The following RGL1 variants were observed in gnomAD, a reference collection of about 807,000 sequenced individuals.
RGL1 encodes the protein ral guanine nucleotide dissociation stimulator like 1, also known as ral guanine nucleotide dissociation stimulator-like 1.
A neutral mutation model predicts 95.2 loss-of-function variants in RGL1; 24 were observed. The ratio of observed to expected loss-of-function variants is 0.25; its 90% CI spans 0.18 to 0.35. The LOEUF (loss-of-function observed/expected upper bound fraction) is 0.35. Among genes scored for constraint, RGL1 ranks in the 10% least tolerant of loss-of-function variants. The pLI is 1.00. For synonymous variants in RGL1, 329 were observed against 344.9 expected, an observed-to-expected ratio of 0.95 and a Z score of 0.51; for missense variants, 715 against 936.3, an observed-to-expected ratio of 0.76 and a Z score of 3.08.
At chr1:183,671,310 C>T (rs1429664478) in intron 1 of RGL1, among the ~76,000 whole-genome samples, 1 of 152,226 alleles carries the variant, frequency 6.6e-6, no homozygotes, top group Non-Finnish European at 1.5e-5. Flanking sequence ...ATGTTTAAGT[C>T]TTTGTGTGAA....
intron 4 of RGL1, among the ~76,000 whole-genome samples, chr1:183,877,428 C>T (rs182036736): frequency 6.6e-5 from 10 of 152,272 alleles, no homozygotes; most frequent in East Asian, 3.9e-4. Context: ...TTAAAAGTTT[C>T]GCATTTGTAT....
Position 183,926,998 on chromosome 1 carries a change from G to A in RGL1, c.*706G>A, listed in dbSNP as rs767018746. On this transcript the variant is annotated 3_prime_UTR_variant, in exon 18 of 18. Coordinates refer to ENST00000360851, the MANE Select transcript of RGL1 (RefSeq NM_001297671.3). ...AGCTTCGGAGGACCATCGCCCCACT[G>A]GTCTAGCCATCATGACACCTCTGGA... The A allele has an allele frequency of 6.6e-6, 1 of 152,562 alleles. No homozygotes were observed. Among genetic ancestry groups the A allele is most frequent in the Non-Finnish European group, 1.5e-5 (1 of 68,044 alleles). 9.5% of individuals were successfully genotyped at this position (152,562 alleles called of 1,614,324 possible).
intron 2 of RGL1, among the ~76,000 whole-genome samples, chr1:183,743,930 A>G (rs908762433): frequency 9.2e-5 from 14 of 152,200 alleles, no homozygotes; most frequent in Non-Finnish European, 1.3e-4. Flanking sequence ...AGAAGTTTGG[A>G]GGACTAGGCT....
chr1:183,778,372 C>T (rs1271258715), intron 2 of RGL1, among the ~76,000 whole-genome samples: 1 of 152,084 alleles, frequency 6.6e-6, no homozygotes, highest in Non-Finnish European at 1.5e-5. Context: ...GGGAGGATAT[C>T]AAACATAAAC....
At chr1:183,771,231 C>T (rs1388375288) in intron 2 of RGL1, among the ~76,000 whole-genome samples, 2 of 151,596 alleles carry the variant, frequency 1.3e-5, no homozygotes, top group African/African-American at 2.4e-5. Context: ...TTCACTATAC[C>T]AGACATGAAC....
chr1:183,901,657 C>G (rs1201740998), intron 11 of RGL1, among the ~76,000 whole-genome samples: 6 of 150,206 alleles, frequency 4.0e-5, no homozygotes, highest in African/African-American at 1.2e-4. Flanking sequence ...CTCTCTCTGT[C>G]TCTCTCTCTC....
chr1:183,839,234 C>A (rs921728956), intron 2 of RGL1, among the ~76,000 whole-genome samples: 1 of 152,116 alleles, frequency 6.6e-6, no homozygotes, highest in Non-Finnish European at 1.5e-5. Context: ...CCATCTTAGA[C>A]CCTTCTCCCA....
intron 3 of RGL1, among the ~76,000 whole-genome samples, chr1:183,851,241 C>T (rs1664807899): frequency 6.6e-6 from 1 of 152,120 alleles, no homozygotes; most frequent in African/African-American, 2.4e-5. Context: ...TAAACAGATC[C>T]TTTGCTTGCT....
At chr1:183,698,121 G>A (rs1023926258) in intron 1 of RGL1, among the ~76,000 whole-genome samples, 5 of 152,112 alleles carry the variant, frequency 3.3e-5, no homozygotes, top group Admixed American at 6.6e-5. Flanking sequence ...TCAACTCCAC[G>A]TTTATGTTTT....
At chr1:183,888,679 T>C in intron 8 of RGL1, 102 bp downstream of exon 8, 1 of 728,584 alleles carries the variant, frequency 1.4e-6, no homozygotes, top group East Asian at 2.5e-5. Context: ...TAGAGAAACA[T>C]ATTTGAAATC....
At chr1:183,815,119 C>A (rs1405442445) in intron 2 of RGL1, among the ~76,000 whole-genome samples, 2 of 152,036 alleles carry the variant, frequency 1.3e-5, no homozygotes, top group African/African-American at 4.8e-5. Context: ...ACTAAACATA[C>A]AAAAGTTAGC....
intron 2 of RGL1, among the ~76,000 whole-genome samples, chr1:183,812,916 G>C (rs1165567674): frequency 6.6e-6 from 1 of 152,184 alleles, no homozygotes; most frequent in Admixed American, 6.5e-5. Context: ...AAAGGCATGA[G>C]TCATGTCACC....
intron 4 of RGL1, among the ~76,000 whole-genome samples, chr1:183,874,510 G>GT (rs560637064): frequency 0.022 from 3,210 of 146,624 alleles, 74 homozygotes; most frequent in Admixed American, 0.06. Flanking sequence ...TGCCGTGGAG[G>GT]TTTTTTTTTT....
chr1:183,897,452 G>A (rs1375345205), intron 9 of RGL1, among the ~76,000 whole-genome samples: 1 of 152,174 alleles, frequency 6.6e-6, no homozygotes, highest in Non-Finnish European at 1.5e-5. Flanking sequence ...GGGAGGCTGA[G>A]GCAGGAGAAT....
chr1:183,828,295 C>G (rs765580922), intron 2 of RGL1, among the ~76,000 whole-genome samples: 7 of 152,176 alleles, frequency 4.6e-5, no homozygotes, highest in Non-Finnish European at 1.0e-4. Context: ...TAACATGGAA[C>G]AGCCATGACT....
intron 2 of RGL1, among the ~76,000 whole-genome samples, chr1:183,796,234 G>A (rs1288000761): frequency 2.0e-5 from 3 of 148,258 alleles, no homozygotes; most frequent in African/African-American, 2.5e-5. Context: ...GCGCGATCTC[G>A]GCTCACTGCA....
intron 14 of RGL1, among the ~76,000 whole-genome samples, chr1:183,907,829 A>G (rs904118638): frequency 1.3e-5 from 2 of 151,966 alleles, no homozygotes; most frequent in South Asian, 2.1e-4. Flanking sequence ...GTCTCTACAA[A>G]AAAATATCAC....
intron 3 of RGL1, among the ~76,000 whole-genome samples, chr1:183,850,252 ACT>A (rs1357799581): frequency 5.9e-5 from 9 of 152,060 alleles, no homozygotes; most frequent in South Asian, 2.1e-4. Flanking sequence ...TCTAATTATA[ACT>A]CTGCATATTA....
At chr1:183,673,330 T>C (rs1267000998) in intron 1 of RGL1, among the ~76,000 whole-genome samples, 1 of 152,228 alleles carries the variant, frequency 6.6e-6, no homozygotes, top group East Asian at 1.9e-4. Context: ...TTGAAACTCA[T>C]GTTTGGGGAA....
Sources: gnomAD v4.1 joint callset for allele counts (sites outside exome capture counted in the v4.1 genomes callset) on GRCh38, gnomAD v4.1.1 for gene constraint, MANE v1.5 for transcripts, NCBI Gene and HGNC (gene_info 2026-07-23, HGNC 2026-07-21) for gene names.